AKR1D1: variants seen among roughly 807,000 people sequenced by gnomAD.
AKR1D1 encodes delta(4)-3-ketosteroid 5-beta-reductase.
Under a neutral mutation model 42.6 loss-of-function variants are expected in AKR1D1, and 32 were observed. The observed-to-expected ratio is 0.75, with a 90% CI of 0.57 to 1.01. The LOEUF is 1.01. Among genes scored for constraint, AKR1D1 ranks in the 50% least tolerant of loss-of-function variants. The pLI is 0.00. For missense variants in AKR1D1, 364 were observed against 402.2 expected (o/e 0.91, Z 0.81); for synonymous variants, 123 against 135.5 (o/e 0.91, Z 0.64).
intron 7 of AKR1D1, among the ~76,000 whole-genome samples, chr7:138,109,051 C>T (rs570556400): frequency 2.0e-4 from 30 of 152,066 alleles, no homozygotes; most frequent in Admixed American, 5.2e-4. Context: ...TTATAGAATT[C>T]TTTGTAATTT....
In AKR1D1 at chr7:138,088,586, TC is replaced by T; in HGVS notation, c.94-14del. ...ATTTCTCTTTTCCCCAAACCCAACCTCTTTGTCACTTCAGACCCCTAAGGGA... is the reference window on the plus strand; with the variant it reads ...ATTTCTCTTTTCCCCAAACCCAACCTTTTGTCACTTCAGACCCCTAAGGGA... On this transcript the variant is annotated splice_polypyrimidine_tract_variant and intron_variant, in intron 1 of 8. Transcript: ENST00000242375. 6.2e-7 allele frequency: 1 copy of T among 1,614,100 alleles called. No homozygotes were observed. Among genetic ancestry groups the T allele is most frequent in the Non-Finnish European group, 8.5e-7 (1 of 1,179,980 alleles).
At chr7:138,083,943 C>T (rs954394167) in intron 1 of AKR1D1, among the ~76,000 whole-genome samples, 1 of 152,170 alleles carries the variant, frequency 6.6e-6, no homozygotes, top group East Asian at 1.9e-4. Flanking sequence ...TATTTGTGAG[C>T]GAGCATCAAG....
At chr7:138,111,394 C>G (rs1393723786) in intron 7 of AKR1D1, among the ~76,000 whole-genome samples, 1 of 152,190 alleles carries the variant, frequency 6.6e-6, no homozygotes, top group Non-Finnish European at 1.5e-5. Flanking sequence ...AACTTTTACC[C>G]TGACCATCCC....
intron 1 of AKR1D1, 135 bp from the exon 2 acceptor site, chr7:138,088,466 C>T: frequency 9.2e-7 from 1 of 1,083,762 alleles, no homozygotes; most frequent in Non-Finnish European, 1.4e-6. Context: ...CACCATCTTC[C>T]AATCACAACA....
intron 4 of AKR1D1, among the ~76,000 whole-genome samples, chr7:138,098,653 T>A (rs1794230821): frequency 6.6e-6 from 1 of 152,140 alleles, no homozygotes; most frequent in Non-Finnish European, 1.5e-5. Flanking sequence ...AATTCTGTTT[T>A]TTATTTCTGG....
chr7:138,116,742 T>C lies in AKR1D1; in HGVS notation c.*80T>C. On this transcript the variant is annotated 3_prime_UTR_variant, in exon 9 of 9. Coordinates refer to ENST00000242375, the MANE Select transcript of AKR1D1 (RefSeq NM_005989.4). ...ATGGGTAGTCCCCTAGATGTGAAAATGAAGAGAGAGGGTTTTACCATCCTG... is the reference window on the plus strand; with the variant it reads ...ATGGGTAGTCCCCTAGATGTGAAAACGAAGAGAGAGGGTTTTACCATCCTG... The C allele has an allele frequency of 1.5e-6, 2 of 1,301,098 alleles. No individual in the cohort carries two copies. The highest frequency in any genetic ancestry group is 2.2e-6 in the Non-Finnish European group (2 of 900,938). The allele number at this position is 1,301,098 out of a possible 1,614,324, so 80.6% of individuals were successfully genotyped here. A position where few individuals can be genotyped will look rare whatever the true frequency, so the allele number is the denominator to read the frequency against.
chr7:138,107,199 G>A (rs750208993), intron 6 of AKR1D1: 1 of 724,186 alleles, frequency 1.4e-6, no homozygotes, highest in Non-Finnish European at 2.5e-6. Flanking sequence ...CCCTCTGAAG[G>A]AGGCAGCTCC....
At chr7:138,114,882 C>A (rs1291807382) in intron 8 of AKR1D1, among the ~76,000 whole-genome samples, 1 of 152,050 alleles carries the variant, frequency 6.6e-6, no homozygotes, top group Non-Finnish European at 1.5e-5. Flanking sequence ...AGTTTGGACA[C>A]TTACTTTACT....
chr7:138,095,545 G>C (rs1440030022), intron 3 of AKR1D1, among the ~76,000 whole-genome samples: 7 of 151,774 alleles, frequency 4.6e-5, no homozygotes, highest in Non-Finnish European at 1.5e-5. Flanking sequence ...TTTGTTTTGA[G>C]ATGGAGTCTT....
At position 138,091,867 on chromosome 7, in the gene AKR1D1, G is replaced by A; in HGVS notation, c.361G>A (p.Val121Ile). 1.9e-6 allele frequency: 3 copies of A among 1,613,278 alleles called. No individual in the cohort carries two copies. Among genetic ancestry groups the A allele is most frequent in the Non-Finnish European group, 1.7e-6 (2 of 1,179,328 alleles). ...TTATGTGGATCTTTACATCATTGAAGTACCCATGGCCTTTAAGGTGAGTTC... is the reference window on the plus strand; with the variant it reads ...TTATGTGGATCTTTACATCATTGAAATACCCATGGCCTTTAAGGTGAGTTC... Reference protein sequence around the residue: ...LDYVDLYIIEVPMAFKPGDEI... With the variant: ...LDYVDLYIIEIPMAFKPGDEI... Residue 121 changes from valine to isoleucine, a missense_variant, in exon 3 of 9, where the codon GTA becomes ATA. By Grantham distance (29) the Val-to-Ile change is conservative. Coordinates refer to ENST00000242375, the MANE Select transcript of AKR1D1 (RefSeq NM_005989.4).
In AKR1D1 at chr7:138,076,466, T is replaced by C. The variant is rs1180002591; in HGVS notation, c.-53T>C. 6.7e-7 allele frequency: 1 copy of C among 1,496,972 alleles called. No individual in the cohort carries two copies. The highest frequency in any genetic ancestry group is 9.3e-7 in the Non-Finnish European group (1 of 1,075,166). 92.7% of individuals were successfully genotyped at this position (1,496,972 alleles called of 1,614,324 possible). A position where few individuals can be genotyped will look rare whatever the true frequency, so the allele number is the denominator to read the frequency against. ...TGGAATAGGCCCTAGGACACCTTTC[T>C]AAAAAGACTCCCTGTGGTGTTCAGA... On this transcript the variant is annotated 5_prime_UTR_variant, in exon 1 of 9. Coordinates refer to ENST00000242375, the MANE Select transcript of AKR1D1 (RefSeq NM_005989.4).
intron 1 of AKR1D1, among the ~76,000 whole-genome samples, chr7:138,083,703 A>G (rs1172914400): frequency 6.6e-6 from 1 of 152,086 alleles, no homozygotes; most frequent in Non-Finnish European, 1.5e-5. Context: ...GTTTCCTTCT[A>G]GGAGCTTTAC....
At chr7:138,089,872 T>A (rs1376174722) in intron 2 of AKR1D1, among the ~76,000 whole-genome samples, 1 of 152,166 alleles carries the variant, frequency 6.6e-6, no homozygotes, top group Non-Finnish European at 1.5e-5. Flanking sequence ...ATTAAGAGCC[T>A]AGACTGGTGC....
chr7:138,077,509 T>C (rs1004208959), intron 1 of AKR1D1, among the ~76,000 whole-genome samples: 6 of 152,076 alleles, frequency 3.9e-5, no homozygotes, highest in African/African-American at 1.2e-4. Context: ...AAGATAAGAT[T>C]TGGGAGGGGA....
At chr7:138,110,128 C>G (rs970856666) in intron 7 of AKR1D1, among the ~76,000 whole-genome samples, 29 of 151,956 alleles carry the variant, frequency 1.9e-4, no homozygotes, top group Non-Finnish European at 2.1e-4. Flanking sequence ...ATGAATTTTG[C>G]TGGGTATGAA....
chr7:138,086,547 A>G (rs905128779), intron 1 of AKR1D1, among the ~76,000 whole-genome samples: 1 of 152,170 alleles, frequency 6.6e-6, no homozygotes, highest in African/African-American at 2.4e-5. Flanking sequence ...TATCTTCTCT[A>G]TAGTGATGAC....
rs1562937700 is a variant in AKR1D1 at position 138,106,703 on chromosome 7, T to C, written c.675T>C (p.Ser225=). The change falls in exon 6 of 9, where the codon AGT becomes AGC. Residue 225 remains serine, a synonymous_variant. Transcript: ENST00000242375. ...VITAYSPLGT[S]RNPIWVNVSS... ...CTGCATATAGCCCTTTGGGGACCAG[T>C]AGGAATCCAATCTGGTAAGTAAAAC... The C allele has an allele frequency of 2.5e-6, 4 of 1,609,606 alleles. No individual in the cohort carries two copies. Among genetic ancestry groups the C allele is most frequent in the Admixed American group, 3.3e-5 (2 of 60,020 alleles).
intron 1 of AKR1D1, among the ~76,000 whole-genome samples, chr7:138,083,388 G>A (rs964867301): frequency 3.3e-5 from 5 of 151,984 alleles, no homozygotes; most frequent in African/African-American, 1.2e-4. Flanking sequence ...AATCAGGTTA[G>A]GTTTTTCTTT....
At chr7:138,105,901 CAAA>C (rs796444469) in intron 5 of AKR1D1, among the ~76,000 whole-genome samples, 32 of 135,866 alleles carry the variant, frequency 2.4e-4, no homozygotes, top group African/African-American at 7.2e-4. Flanking sequence ...ACAACAACAA[CAAA>C]AAAAAATCTA....
Sources: allele counts gnomAD v4.1 joint callset (sites outside exome capture counted in the v4.1 genomes callset), GRCh38; gene constraint gnomAD v4.1.1; transcripts MANE v1.5; gene names NCBI Gene and HGNC (gene_info 2026-07-23, HGNC 2026-07-21).